Variants in SPATA6L observed in about 807,000 individuals in gnomAD.
SPATA6L encodes spermatogenesis associated 6-like protein.
Under a neutral mutation model 49.2 loss-of-function variants are expected in SPATA6L, and 68 were observed. The ratio of observed to expected loss-of-function variants is 1.38; its 90% CI spans 1.14 to 1.69. The LOEUF is 1.69. SPATA6L is among the 40% of genes most tolerant of loss of function. The pLI, the probability that SPATA6L is intolerant of heterozygous loss-of-function variation, is 0.00. For missense variants in SPATA6L, 668 were observed against 464.3 expected, an observed-to-expected ratio of 1.44 and a Z score of -4.03; for synonymous variants, 198 against 165.7, an observed-to-expected ratio of 1.19 and a Z score of -1.50.
chr9:4,590,441 G>A (rs765118553), intron 13 of SPATA6L, among the ~76,000 whole-genome samples: 1 of 152,166 alleles, frequency 6.6e-6, no homozygotes, highest in Non-Finnish European at 1.5e-5. Flanking sequence ...GATTTGGAAG[G>A]TGTCTCTCCA....
intron 3 of SPATA6L, among the ~76,000 whole-genome samples, chr9:4,648,714 T>TAAAAAAATAAATAAATAAATAAA (rs60168646): frequency 6.9e-6 from 1 of 145,118 alleles, no homozygotes. Flanking sequence ...AATAAATAAA[T>TAAAAAAATAAATAAATAAATAAA]TAAATAAATA....
intron 9 of SPATA6L, 76 bp downstream of exon 9, chr9:4,617,847 G>A: frequency 1.6e-6 from 2 of 1,248,404 alleles, no homozygotes; most frequent in Non-Finnish European, 2.2e-6. Flanking sequence ...AAAGGAAGCT[G>A]GTGAAATGAC....
At chr9:4,601,094 T>C (rs972582111) in intron 11 of SPATA6L, among the ~76,000 whole-genome samples, 7 of 152,200 alleles carry the variant, frequency 4.6e-5, no homozygotes, top group Non-Finnish European at 1.0e-4. Context: ...CATTGCTACA[T>C]AGTAAATGTG....
Position 4,654,511 on chromosome 9 carries a change from T to TA in SPATA6L, c.226+1529dup, listed in dbSNP as rs1837650156. On this transcript the variant is annotated intron_variant, in intron 3 of 11. Coordinates refer to ENST00000682582, the MANE Select transcript of SPATA6L (RefSeq NM_001353486.2). ...CTTGTGTTAGCTCAATTAGACCCTC[T>TA]ACCATGTCGCAAGGACAGAGGGCTT... 3.9e-5 allele frequency among the ~76,000 whole-genome samples: 6 copies of TA among 152,348 alleles called. No individual in the cohort carries two copies. In the South Asian group the frequency reaches 1.2e-3, roughly 32 times the overall value.
At chr9:4,660,464 A>T (rs992635828) in intron 2 of SPATA6L, among the ~76,000 whole-genome samples, 4 of 152,242 alleles carry the variant, frequency 2.6e-5, no homozygotes, top group Admixed American at 1.3e-4. Flanking sequence ...GAGAAATACA[A>T]ATCAAAACCA....
rs553029685 is a variant in SPATA6L at position 4,662,097 on chromosome 9, C to T, written c.40-61G>A. On this transcript the variant is annotated intron_variant, in intron 1 of 11. Coordinates refer to ENST00000682582, the MANE Select transcript of SPATA6L (RefSeq NM_001353486.2). This position sits in a 1 kb window ranked among gnomAD's most constrained non-coding sequence, Gnocchi z 4.9. The stretch of plus-strand genomic sequence containing the variant: ...AAACAGACTTTGCTTTGTTTTGTTA[C>T]ACGGGGCTCTATTTCTCTTAAGCTC... 563 of 1,586,768 alleles carry T rather than the reference C, an allele frequency of 3.5e-4. No homozygotes were observed. Among genetic ancestry groups the T allele is most frequent in the Non-Finnish European group, 4.5e-4 (525 of 1,165,946 alleles).
intron 5 of SPATA6L, chr9:4,626,412 C>A: frequency 3.1e-6 from 4 of 1,303,208 alleles, no homozygotes; most frequent in South Asian, 1.2e-5. Flanking sequence ...AGTTCCAGCT[C>A]ATCCAAGTCC....
At chr9:4,657,943 A>T (rs1223728325) in intron 2 of SPATA6L, among the ~76,000 whole-genome samples, 1 of 152,084 alleles carries the variant, frequency 6.6e-6, no homozygotes, top group African/African-American at 2.4e-5. Flanking sequence ...CAGCCTAATG[A>T]CTTCCCCCAC....
At chr9:4,641,768 G>A (rs1356592172) in intron 3 of SPATA6L, among the ~76,000 whole-genome samples, 1 of 152,126 alleles carries the variant, frequency 6.6e-6, no homozygotes, top group African/African-American at 2.4e-5. Context: ...ACATCAAATT[G>A]TTTTGTTCTG....
chr9:4,634,205 C>T (rs1832282064), intron 4 of SPATA6L, among the ~76,000 whole-genome samples: 1 of 152,174 alleles, frequency 6.6e-6, no homozygotes, highest in Non-Finnish European at 1.5e-5. Context: ...AGAGTATCCC[C>T]TACCTAATTC....
At chr9:4,593,399 T>A (rs1041749142), downstream of SPATA6L, among the ~76,000 whole-genome samples, 1 of 152,080 alleles carries the variant, frequency 6.6e-6, no homozygotes, top group Admixed American at 6.5e-5. Context: ...TATCATTGTA[T>A]CCCTCCCTTA....
In SPATA6L at chr9:4,662,861, G is replaced by A. The variant is rs1490504244; in HGVS notation, c.40-825C>T. 3 of 1,605,244 alleles carry A rather than the reference G, an allele frequency of 1.9e-6. No individual in the cohort carries two copies. The highest frequency in any genetic ancestry group is 2.5e-6 in the Non-Finnish European group (3 of 1,179,972). On this transcript the variant is annotated intron_variant, in intron 1 of 11. Coordinates refer to ENST00000682582, the MANE Select transcript of SPATA6L (RefSeq NM_001353486.2). The surrounding 1 kb of genome is among the most constrained non-coding windows in gnomAD (Gnocchi z 4.9). ...TGTGCAGGAGCGACAGCTGGGCCGGGCGCGAGGTGCTGATGAACCTGCTCT... is the reference window on the plus strand; with the variant it reads ...TGTGCAGGAGCGACAGCTGGGCCGGACGCGAGGTGCTGATGAACCTGCTCT...
Position 4,617,965 on chromosome 9 carries a change from G to A in SPATA6L, c.953C>T (p.Ser318Phe). Residue 318 changes from serine to phenylalanine, a missense_variant, in exon 9 of 12, where the codon TCC (serine) becomes TTC (phenylalanine). Transcript: ENST00000682582. ...CTGATCCAAGGGGCCAGGAGAGGTG[G>A]AATGCTGGTAGGTGGCAAATGAAGC... The part of the protein sequence containing the change: ...GKASFATYQH[S>F]TSPGPLDQPL... 1 of 1,613,988 alleles carries A rather than the reference G, an allele frequency of 6.2e-7. No homozygotes were observed. Among genetic ancestry groups the A allele is most frequent in the African/African-American group, 1.3e-5 (1 of 75,034 alleles).
chr9:4,613,928 C>T (rs141285934), intron 9 of SPATA6L, among the ~76,000 whole-genome samples: 371 of 151,684 alleles, frequency 2.4e-3, no homozygotes, highest in African/African-American at 8.4e-3. Context: ...TATGTTGAAG[C>T]TATAAATGAA....
chr9:4,661,686 A>C (rs1032223401), intron 2 of SPATA6L, among the ~76,000 whole-genome samples: 1 of 152,032 alleles, frequency 6.6e-6, no homozygotes, highest in African/African-American at 2.4e-5. Context: ...GGAAACATCA[A>C]CCAGGGTATT....
chr9:4,648,747 G>C (rs1198645079), intron 3 of SPATA6L, among the ~76,000 whole-genome samples: 1 of 138,140 alleles, frequency 7.2e-6, no homozygotes, highest in Non-Finnish European at 1.6e-5. Flanking sequence ...CTTTAGTGGT[G>C]ATCTGTGAGA....
chr9:4,644,662 C>G (rs1587376334), intron 3 of SPATA6L, among the ~76,000 whole-genome samples: 1 of 119,770 alleles, frequency 8.3e-6, no homozygotes, highest in African/African-American at 3.8e-5. Flanking sequence ...TCAGTATTCT[C>G]TCTCTCTCTC....
Position 4,617,907 on chromosome 9 carries a change from G to A in SPATA6L, c.995+16C>T, listed in dbSNP as rs1378465717. 11 of 1,578,482 alleles carry A rather than the reference G, an allele frequency of 7.0e-6. No homozygotes were observed. The highest frequency in any genetic ancestry group is 9.5e-6 in the Non-Finnish European group (11 of 1,158,584). Reference sequence around the variant, plus strand: ...AATGCACTCGTCAGGCAAACAGATGGGTGCTTGCCACTGACCTTTCTCTGA... The same window carrying A: ...AATGCACTCGTCAGGCAAACAGATGAGTGCTTGCCACTGACCTTTCTCTGA... On this transcript the variant is annotated intron_variant, in intron 9 of 11. Coordinates refer to ENST00000682582, the MANE Select transcript of SPATA6L (RefSeq NM_001353486.2).
At chr9:4,645,472 A>T (rs1835166803) in intron 3 of SPATA6L, among the ~76,000 whole-genome samples, 1 of 152,168 alleles carries the variant, frequency 6.6e-6, no homozygotes, top group Admixed American at 6.5e-5. Context: ...CTTAGTAGCC[A>T]GGTGACACAG....
Sources: gnomAD v4.1 joint callset for allele counts (sites outside exome capture counted in the v4.1 genomes callset) on GRCh38, gnomAD v4.1.1 for gene constraint, Gnocchi (gnomAD v3.1) non-coding constraint, MANE v1.5 for transcripts, NCBI Gene and HGNC (gene_info 2026-07-23, HGNC 2026-07-21) for gene names.